Variants in ZNF644 observed in about 807,000 individuals in gnomAD.
ZNF644 encodes the protein zinc finger protein 644.
Under a neutral mutation model 108.0 loss-of-function variants are expected in ZNF644, and 20 were observed. The ratio of observed to expected loss-of-function variants is 0.19; its 90% CI spans 0.13 to 0.27. The LOEUF (loss-of-function observed/expected upper bound fraction) is 0.27. Among genes scored for constraint, ZNF644 ranks in the 10% least tolerant of loss-of-function variants. ZNF644 has a pLI of 1.00. For synonymous variants in ZNF644, 542 were observed against 539.1 expected (o/e 1.01, Z -0.08); for missense variants, 1,338 against 1,548.9 (o/e 0.86, Z 2.29).
At chr1:90,936,961 GGAGATGTTT>G (rs1651386709) in intron 4 of ZNF644, among the ~76,000 whole-genome samples, 1 of 152,152 alleles carries the variant, frequency 6.6e-6, no homozygotes, top group Non-Finnish European at 1.5e-5. Context: ...AATTGGAGAG[GGAGATGTTT>G]CTTTGGGTTA....
chr1:90,966,272 G>A (rs1441141539), intron 2 of ZNF644, among the ~76,000 whole-genome samples: 1 of 152,120 alleles, frequency 6.6e-6, no homozygotes, highest in Non-Finnish European at 1.5e-5. Context: ...CCTCTCTGCT[G>A]ATATTTTTCT....
At chr1:91,001,488 C>T (rs947177241) in intron 1 of ZNF644, among the ~76,000 whole-genome samples, 17 of 152,180 alleles carry the variant, frequency 1.1e-4, no homozygotes, top group African/African-American at 4.1e-4. Context: ...TTCAACAGCC[C>T]TTCATGCTAG....
intron 2 of ZNF644, among the ~76,000 whole-genome samples, chr1:90,955,072 A>G (rs1049089828): frequency 2.0e-5 from 3 of 152,204 alleles, no homozygotes; most frequent in African/African-American, 7.2e-5. Context: ...AACAACATTC[A>G]TCTTGTACAT....
intron 1 of ZNF644, among the ~76,000 whole-genome samples, chr1:91,017,661 C>A (rs1209466111): frequency 6.6e-6 from 1 of 152,104 alleles, no homozygotes; most frequent in Non-Finnish European, 1.5e-5. Context: ...CCAGGAAGTT[C>A]AAAAAGGATA....
chr1:91,002,009 T>C (rs1023462272), intron 1 of ZNF644, among the ~76,000 whole-genome samples: 9 of 152,068 alleles, frequency 5.9e-5, no homozygotes, highest in Admixed American at 2.0e-4. Context: ...CTACAAACCA[T>C]TGCTCAACGA....
intron 2 of ZNF644, among the ~76,000 whole-genome samples, chr1:90,947,686 T>C (rs1268906502): frequency 2.6e-5 from 4 of 152,134 alleles, no homozygotes; most frequent in African/African-American, 9.7e-5. Flanking sequence ...TTCAAAGTCC[T>C]AGGAATACAA....
rs757134886 is a variant in ZNF644, at chr1:90,937,806, T to A, written c.3367A>T (p.Ile1123Leu). Residue 1123 changes from isoleucine (I) to leucine (L), a missense_variant, in exon 4 of 6, where the codon ATA becomes TTA. Physicochemically the swap from Ile to Leu is conservative, Grantham distance 5. Transcript: ENST00000337393. The part of the protein sequence containing the change: ...SSDDFISQNV[I>L]PLEAYRNGLK... ...CCATTACGGTATGCTTCAAGAGGTA[T>A]AACATTTTGAGATATAAAGTCATCA... 2.5e-6 allele frequency: 4 copies of A among 1,613,794 alleles called. No homozygotes were observed. In the African/African-American group the frequency reaches 5.3e-5, roughly 22 times the overall value.
intron 2 of ZNF644, among the ~76,000 whole-genome samples, chr1:90,942,761 T>G (rs141154996): frequency 7.7e-4 from 117 of 152,312 alleles, no homozygotes; most frequent in African/African-American, 2.8e-3. Flanking sequence ...CATGTACAAT[T>G]TAAAGAACCT....
rs1651789143 is a variant in ZNF644, at chr1:90,940,097, A to G, written c.1257T>C (p.Phe419=). ...FYPCTKCNVN[F]REKKHLHRHM... ...GCCTGTGGAGGTGCTTCTTCTCCCT[A>G]AAATTCACATTGCACTTTGTACAGG... is the stretch of plus-strand genomic sequence containing the variant. The change falls in exon 3 of 6, where the codon TTT becomes TTC. Residue 419 remains phenylalanine, a synonymous_variant. Transcript: ENST00000337393. 1.2e-6 allele frequency: 2 copies of G among 1,614,054 alleles called. No homozygotes were observed. The highest frequency in any genetic ancestry group is 3.3e-5 in the Admixed American group (2 of 60,006).
intron 2 of ZNF644, among the ~76,000 whole-genome samples, chr1:90,945,934 T>C (rs1211468988): frequency 6.6e-6 from 1 of 152,086 alleles, no homozygotes; most frequent in Non-Finnish European, 1.5e-5. Context: ...ATTGCTATAT[T>C]ACACAGCTAT....
At chr1:91,008,477 C>G (rs931330919) in intron 1 of ZNF644, among the ~76,000 whole-genome samples, 10 of 152,262 alleles carry the variant, frequency 6.6e-5, no homozygotes, top group African/African-American at 2.4e-4. Context: ...GAGCCATACA[C>G]AGGAATAAAA....
At chr1:90,970,375 T>TA (rs1655330589) in intron 2 of ZNF644, among the ~76,000 whole-genome samples, 1 of 152,188 alleles carries the variant, frequency 6.6e-6, no homozygotes. Context: ...GTGCTTCAGA[T>TA]AAACTTGGGA....
chr1:91,006,524 T>C (rs955202536), intron 1 of ZNF644, among the ~76,000 whole-genome samples: 5 of 152,218 alleles, frequency 3.3e-5, no homozygotes, highest in African/African-American at 1.2e-4. Context: ...GAACACTTCC[T>C]AACTCACTCC....
chr1:90,982,332 C>G lies in ZNF644; in HGVS notation c.22G>C (p.Asp8His), dbSNP rs530406392. The G allele has an allele frequency of 1.2e-6, 2 of 1,610,734 alleles. No homozygotes were observed. The highest frequency in any genetic ancestry group is 1.7e-6 in the Non-Finnish European group (2 of 1,179,146). ...TACCTAGATTTTGTCTTATTAACAT[C>G]TTGCTGCAAGAACGATCTCATCCAA... is the stretch of plus-strand genomic sequence containing the variant. MRSFLQQDVNKTKSRLNV... is the reference protein window; with the variant it reads MRSFLQQHVNKTKSRLNV... The change falls in exon 2 of 6, where the codon GAT becomes CAT. Residue 8 changes from aspartate to histidine, a missense_variant. Transcript: ENST00000337393.
At chr1:90,929,710 C>T (rs1146430) in intron 4 of ZNF644, among the ~76,000 whole-genome samples, 17,359 of 152,144 alleles carry the variant, frequency 0.11, 1,055 homozygotes, top group South Asian at 0.16. Flanking sequence ...TAGTGGCTTA[C>T]AAACCCATTC....
intron 2 of ZNF644, among the ~76,000 whole-genome samples, chr1:90,980,954 A>G (rs1656489383): frequency 6.6e-6 from 1 of 152,146 alleles, no homozygotes; most frequent in Non-Finnish European, 1.5e-5. Flanking sequence ...TACCATATAT[A>G]TGTAAACTAT....
chr1:91,011,754 T>C (rs1213514134), intron 1 of ZNF644, among the ~76,000 whole-genome samples: 1 of 152,126 alleles, frequency 6.6e-6, no homozygotes, highest in Non-Finnish European at 1.5e-5. Flanking sequence ...GATGCCTACC[T>C]ATAAAAAAAA....
At chr1:90,984,166 T>A (rs1656854486) in intron 1 of ZNF644, among the ~76,000 whole-genome samples, 1 of 152,126 alleles carries the variant, frequency 6.6e-6, no homozygotes. Flanking sequence ...AGAGAATTAA[T>A]TTCTATTGTT....
At position 90,918,070 on chromosome 1, in the gene ZNF644, A is replaced by G; in HGVS notation, c.3773T>C (p.Val1258Ala). The change falls in exon 5 of 6, where the codon GTT becomes GCT. Residue 1258 changes from valine (V) to alanine (A), a missense_variant. By Grantham distance (64) the Val-to-Ala change is moderately conservative. Transcript: ENST00000337393. ...MLTLPHGADE[V>A]YILRCRFCGL... The stretch of plus-strand genomic sequence containing the variant: ...CATATACCTGCATCGGAGAATGTAA[A>G]CCTCGTCAGCACCATGAGGTAATGT... The G allele has an allele frequency of 6.2e-7, 1 of 1,613,978 alleles. No homozygotes were observed. The highest frequency in any genetic ancestry group is 8.5e-7 in the Non-Finnish European group (1 of 1,179,946).
Sources: allele counts gnomAD v4.1 joint callset (sites outside exome capture counted in the v4.1 genomes callset), GRCh38; gene constraint gnomAD v4.1.1; transcripts MANE v1.5; gene names NCBI Gene and HGNC (gene_info 2026-07-23, HGNC 2026-07-21).